The following POFUT3 variants were observed in gnomAD, a reference collection of about 807,000 sequenced individuals.
The protein encoded by POFUT3 is GDP-fucose protein O-fucosyltransferase 3.
chr8:33,331,779 C>T, the POFUT3 span, among the ~76,000 whole-genome samples: 3 of 151,562 alleles, frequency 2.0e-5, no homozygotes, highest in Non-Finnish European at 2.9e-5. Flanking sequence ...GGGTTCACGC[C>T]ATTCTCCTGT....
chr8:33,456,448 C>A, the POFUT3 span, among the ~76,000 whole-genome samples: 3 of 152,194 alleles, frequency 2.0e-5, no homozygotes, highest in South Asian at 6.2e-4. Flanking sequence ...GCCTCCTCTT[C>A]CCGAGTTCAA....
the POFUT3 span, among the ~76,000 whole-genome samples, chr8:33,332,212 G>T: frequency 6.7e-6 from 1 of 150,228 alleles, no homozygotes; most frequent in Non-Finnish European, 1.5e-5. Flanking sequence ...AGCCAGGAGC[G>T]GTGGCTCATG....
chr8:33,466,792 T>G, the POFUT3 span, among the ~76,000 whole-genome samples: 1 of 152,174 alleles, frequency 6.6e-6, no homozygotes, highest in South Asian at 2.1e-4. Flanking sequence ...AAAGGGACAC[T>G]GGCAGCCATG....
At chr8:33,363,437 G>T in the POFUT3 span, among the ~76,000 whole-genome samples, 6 of 152,048 alleles carry the variant, frequency 3.9e-5, no homozygotes, top group Non-Finnish European at 7.4e-5. Context: ...AACTGAAGAA[G>T]ATAGAGACAC....
the POFUT3 span, among the ~76,000 whole-genome samples, chr8:33,339,468 T>G: frequency 6.6e-6 from 1 of 152,120 alleles, no homozygotes; most frequent in South Asian, 2.1e-4. Context: ...ATTTGTGTAT[T>G]TGGAACCCTG....
chr8:33,470,941 G>GT, the POFUT3 span, among the ~76,000 whole-genome samples: 8 of 151,976 alleles, frequency 5.3e-5, no homozygotes, highest in Admixed American at 1.3e-4. Context: ...TCATCACAAA[G>GT]TAAGATTTCC....
the POFUT3 span, among the ~76,000 whole-genome samples, chr8:33,462,159 A>AAGGGG: frequency 3.3e-3 from 1 of 302 alleles, no homozygotes; most frequent in African/African-American, 0.013. Flanking sequence ...AAGGGGAGGG[A>AAGGGG]AGGGGAAGGG....
the POFUT3 span, among the ~76,000 whole-genome samples, chr8:33,360,436 A>C: frequency 6.6e-6 from 1 of 151,474 alleles, no homozygotes. Flanking sequence ...ATAGAGTGAG[A>C]CTCCATCTCA....
the POFUT3 span, chr8:33,453,240 T>C: frequency 1.9e-6 from 3 of 1,614,188 alleles, no homozygotes; most frequent in Non-Finnish European, 2.5e-6. Context: ...GCTTTGGTCA[T>C]GTGATGATGG....
the POFUT3 span, among the ~76,000 whole-genome samples, chr8:33,424,256 C>G: frequency 2.6e-5 from 4 of 151,986 alleles, no homozygotes; most frequent in Non-Finnish European, 5.9e-5. Context: ...CAGCCATGAC[C>G]CTCATGTTTC....
the POFUT3 span, among the ~76,000 whole-genome samples, chr8:33,417,537 G>A: frequency 6.6e-6 from 1 of 151,840 alleles, no homozygotes; most frequent in Non-Finnish European, 1.5e-5. Context: ...GAAAATGTGG[G>A]AACTGGGAAA....
chr8:33,439,880 A>C, the POFUT3 span, among the ~76,000 whole-genome samples: 1 of 151,942 alleles, frequency 6.6e-6, no homozygotes. Context: ...AAAAGCAAAA[A>C]ACGAAAAAGA....
the POFUT3 span, among the ~76,000 whole-genome samples, chr8:33,440,868 A>T: frequency 3.3e-5 from 5 of 152,180 alleles, no homozygotes; most frequent in East Asian, 9.6e-4. Context: ...CAAAAAGTAT[A>T]TAACACAAAG....
chr8:33,400,456 A>AAAAT, the POFUT3 span, among the ~76,000 whole-genome samples: 3 of 151,972 alleles, frequency 2.0e-5, no homozygotes, highest in African/African-American at 4.8e-5. Context: ...CTGTCTTCAA[A>AAAAT]AAATAAATAA....
the POFUT3 span, among the ~76,000 whole-genome samples, chr8:33,458,931 C>T: frequency 6.6e-6 from 1 of 152,110 alleles, no homozygotes; most frequent in South Asian, 2.1e-4. Context: ...ATAAGCATTA[C>T]CTCATTCAAT....
the POFUT3 span, among the ~76,000 whole-genome samples, chr8:33,420,172 A>G: frequency 6.6e-6 from 1 of 152,200 alleles, no homozygotes; most frequent in Admixed American, 6.5e-5. Context: ...TATTTATTAC[A>G]TATATGTGTG....
At chr8:33,471,038 A>G in the POFUT3 span, among the ~76,000 whole-genome samples, 1 of 152,142 alleles carries the variant, frequency 6.6e-6, no homozygotes, top group African/African-American at 2.4e-5. Context: ...AATCTTTTGA[A>G]AACTCCAATT....
the POFUT3 span, among the ~76,000 whole-genome samples, chr8:33,363,754 A>C: frequency 0.038 from 5,772 of 152,086 alleles, 225 homozygotes; most frequent in East Asian, 0.1. Flanking sequence ...CCATTAACAG[A>C]CTCTGAAATT....
the POFUT3 span, among the ~76,000 whole-genome samples, chr8:33,326,077 T>C: frequency 6.6e-6 from 1 of 152,318 alleles, no homozygotes; most frequent in South Asian, 2.1e-4. Context: ...AAGTAAGGCC[T>C]ATGAAGAACT....
Sources: gnomAD v4.1 joint callset for allele counts (sites outside exome capture counted in the v4.1 genomes callset) on GRCh38, gnomAD v4.1.1 for gene constraint, MANE v1.5 for transcripts, NCBI Gene and HGNC (gene_info 2026-07-23, HGNC 2026-07-21) for gene names.